Variants in INPP4B observed in about 807,000 individuals in gnomAD.
INPP4B encodes inositol polyphosphate-4-phosphatase type II B.
INPP4B carries 55 observed loss-of-function variants against 122.5 expected under a neutral mutation model. That is an observed-to-expected ratio of 0.45 (90% confidence interval 0.36 to 0.56). The LOEUF is 0.56. Among genes scored for constraint, INPP4B ranks in the 20% least tolerant of loss-of-function variants. INPP4B has a pLI of 0.00. For synonymous variants in INPP4B, 403 were observed against 388.7 expected, an observed-to-expected ratio of 1.04 and a Z score of -0.43; for missense variants, 1,000 against 1,097.7, an observed-to-expected ratio of 0.91 and a Z score of 1.26.
At chr4:142,544,681 G>C (rs558243866) in intron 2 of INPP4B, among the ~76,000 whole-genome samples, 2 of 152,232 alleles carry the variant, frequency 1.3e-5, no homozygotes, top group South Asian at 4.1e-4. Context: ...GAGAGGGAGG[G>C]AGAGGCCTGT....
intron 2 of INPP4B, among the ~76,000 whole-genome samples, chr4:142,534,891 T>G (rs1828012666): frequency 6.6e-6 from 1 of 152,028 alleles, no homozygotes; most frequent in African/African-American, 2.4e-5. Flanking sequence ...AAGTAAAACA[T>G]TTGTTTTACT....
chr4:142,352,659 A>G (rs905563634), intron 7 of INPP4B, among the ~76,000 whole-genome samples: 2 of 151,970 alleles, frequency 1.3e-5, no homozygotes, highest in Non-Finnish European at 2.9e-5. Flanking sequence ...AAAGTAAGAA[A>G]TGAGAAAAAC....
chr4:142,095,722 T>C (rs1396639546), intron 23 of INPP4B, among the ~76,000 whole-genome samples: 1 of 152,162 alleles, frequency 6.6e-6, no homozygotes, highest in Non-Finnish European at 1.5e-5. Flanking sequence ...GCAAAGACTA[T>C]AGAAATGACA....
intron 10 of INPP4B, among the ~76,000 whole-genome samples, chr4:142,270,339 G>T (rs1321494331): frequency 2.0e-5 from 3 of 152,136 alleles, no homozygotes; most frequent in Non-Finnish European, 4.4e-5. Context: ...GAATCTTCTG[G>T]CATCTCACAT....
chr4:142,341,455 G>T (rs931189156), intron 7 of INPP4B, among the ~76,000 whole-genome samples: 6 of 152,062 alleles, frequency 3.9e-5, no homozygotes, highest in African/African-American at 2.4e-5. Context: ...AATCATAGCA[G>T]CTGTGTGACT....
At chr4:142,072,338 G>C (rs1767949943) in intron 25 of INPP4B, among the ~76,000 whole-genome samples, 1 of 152,014 alleles carries the variant, frequency 6.6e-6, no homozygotes, top group Non-Finnish European at 1.5e-5. Flanking sequence ...GCCTGTCATG[G>C]GGTGAGGGGA....
Position 142,732,101 on chromosome 4 carries a change from C to T in INPP4B, c.-253-6200G>A, listed in dbSNP as rs1397226996. Among the ~76,000 whole-genome samples, 3 of 152,088 alleles carry T rather than the reference C, an allele frequency of 2.0e-5. No individual in the cohort carries two copies. The East Asian group carries it at 5.8e-4, about 29-fold the overall frequency. ...TTAGCAAAAAGTTATCTCAGTCATCCATCCCAGATAAAAAAGAACTTAAAC... is the reference window on the plus strand; with the variant it reads ...TTAGCAAAAAGTTATCTCAGTCATCTATCCCAGATAAAAAAGAACTTAAAC... On this transcript the variant is annotated intron_variant, in intron 1 of 25. Transcript: ENST00000262992.
chr4:142,457,887 T>C (rs1815821026), intron 3 of INPP4B, among the ~76,000 whole-genome samples: 1 of 152,166 alleles, frequency 6.6e-6, no homozygotes, highest in Non-Finnish European at 1.5e-5. Context: ...TGAGCTACCA[T>C]ACCTGCCCCT....
At chr4:142,471,530 A>G (rs1352434836) in intron 2 of INPP4B, among the ~76,000 whole-genome samples, 1 of 152,214 alleles carries the variant, frequency 6.6e-6, no homozygotes, top group African/African-American at 2.4e-5. Flanking sequence ...TATATGGCCT[A>G]GGCTTTTCTG....
chr4:142,689,905 C>A (rs745677038), intron 2 of INPP4B, among the ~76,000 whole-genome samples: 1 of 152,108 alleles, frequency 6.6e-6, no homozygotes, highest in Non-Finnish European at 1.5e-5. Context: ...TGGTTTCATG[C>A]AATTTAAAAA....
At chr4:142,128,778 C>T (rs578095038) in intron 18 of INPP4B, among the ~76,000 whole-genome samples, 2 of 144,282 alleles carry the variant, frequency 1.4e-5, no homozygotes, top group South Asian at 4.3e-4. Context: ...CTGCTGGGTG[C>T]CCCCCTCACC....
At chr4:142,544,177 G>C (rs921824740) in intron 2 of INPP4B, among the ~76,000 whole-genome samples, 11 of 138,182 alleles carry the variant, frequency 8.0e-5, no homozygotes, top group Non-Finnish European at 7.8e-5. Flanking sequence ...AGTGGACTGA[G>C]ATCTGACTTC....
In INPP4B at chr4:142,431,317, G is replaced by A. The variant is rs1323824505; in HGVS notation, c.-58C>T. The A allele has an allele frequency of 8.4e-7, 1 of 1,196,176 alleles. No homozygotes were observed. The highest frequency in any genetic ancestry group is 1.2e-6 in the Non-Finnish European group (1 of 804,452). The allele number at this position is 1,196,176 out of a possible 1,614,324, so 74.1% of individuals were successfully genotyped here. A position where few individuals can be genotyped will look rare whatever the true frequency, so the allele number is the denominator to read the frequency against. ...TTTTCTTGTCCAAATGTCAGTTCTA[G>A]TGATTCCTGGTTTAATGTAGATGTA... On this transcript the variant is annotated 5_prime_UTR_variant, in exon 4 of 26. Transcript: ENST00000262992.
At chr4:142,204,604 T>C (rs560722719) in intron 14 of INPP4B, among the ~76,000 whole-genome samples, 3 of 152,250 alleles carry the variant, frequency 2.0e-5, no homozygotes, top group Admixed American at 2.0e-4. Flanking sequence ...TCTTTACAGA[T>C]ATAATCCACT....
chr4:142,123,228 T>C, intron 20 of INPP4B, 64 bp downstream of exon 20: 1 of 1,348,654 alleles, frequency 7.4e-7, no homozygotes, highest in South Asian at 1.6e-5. Flanking sequence ...TCTTGAAAAA[T>C]TTCTGGATTA....
intron 10 of INPP4B, among the ~76,000 whole-genome samples, chr4:142,270,287 T>C (rs1411581585): frequency 6.6e-6 from 1 of 152,198 alleles, no homozygotes; most frequent in African/African-American, 2.4e-5. Context: ...AAAGAGGGTT[T>C]TGGGAGTAGA....
At chr4:142,221,801 A>G (rs1177174014) in intron 12 of INPP4B, among the ~76,000 whole-genome samples, 1 of 152,170 alleles carries the variant, frequency 6.6e-6, no homozygotes, top group Non-Finnish European at 1.5e-5. Context: ...GAGAAACTAA[A>G]TGTTTAATTG....
Position 142,245,799 on chromosome 4 carries a change from TATATATGTGTATGTATAC to T in INPP4B, c.689-7806_689-7789del, listed in dbSNP as rs1305583797. Among the ~76,000 whole-genome samples, 37 of 130,290 alleles carry T rather than the reference TATATATGTGTATGTATAC, an allele frequency of 2.8e-4. 1 individual carries two copies. The East Asian group carries it at 3.4e-3, about 12-fold the overall frequency. The allele number at this position is 130,290 out of a possible 152,430, so 85.5% of individuals were successfully genotyped here. ...ATATATATATGTGTGTATGTATACA[TATATATGTGTATGTATAC>T]ATATATGTGTATGTATACATATATA... On this transcript the variant is annotated intron_variant, in intron 11 of 25. Coordinates refer to ENST00000262992, the MANE Select transcript of INPP4B (RefSeq NM_001101669.3).
intron 2 of INPP4B, among the ~76,000 whole-genome samples, chr4:142,605,494 C>G (rs1171136891): frequency 6.6e-6 from 1 of 151,846 alleles, no homozygotes; most frequent in Non-Finnish European, 1.5e-5. Context: ...GAGACAACCT[C>G]TTGAATGAGA....
Sources: allele counts gnomAD v4.1 joint callset (sites outside exome capture counted in the v4.1 genomes callset), GRCh38; gene constraint gnomAD v4.1.1; transcripts MANE v1.5; gene names NCBI Gene and HGNC (gene_info 2026-07-23, HGNC 2026-07-21).